Variants in SLIT3 observed in about 807,000 individuals in gnomAD.
SLIT3 encodes the protein slit homolog 3 protein.
A neutral mutation model predicts 184.0 loss-of-function variants in SLIT3; 68 were observed. The ratio of observed to expected loss-of-function variants is 0.37; its 90% confidence interval spans 0.30 to 0.45. The LOEUF is 0.45. Ranked by LOEUF, SLIT3 falls within the 20% of genes least tolerant of loss-of-function variation. The pLI is 1.00. For missense variants in SLIT3, 1,707 were observed against 2,026.0 expected (o/e 0.84, Z 3.02); for synonymous variants, 831 against 828.6 (o/e 1.00, Z -0.05).
intron 7 of SLIT3, among the ~76,000 whole-genome samples, chr5:168,821,410 A>G (rs1757528973): frequency 6.6e-6 from 1 of 152,208 alleles, no homozygotes; most frequent in African/African-American, 2.4e-5. Context: ...TGTCTGGGGT[A>G]ATGCAGGCCC....
At chr5:168,845,673 C>G (rs182327820) in intron 5 of SLIT3, among the ~76,000 whole-genome samples, 1 of 151,868 alleles carries the variant, frequency 6.6e-6, no homozygotes, top group African/African-American at 2.4e-5. Context: ...GTCAGGATAT[C>G]AACCATGATC....
Position 168,685,917 on chromosome 5 carries a change from A to T in SLIT3, c.3325T>A (p.Cys1109Ser). ...AGGACCATGGGTGGGGGGTGTTCAC[A>T]GAAGGGTCCACTGGAAGGCAGGAGA... ...TCPQGFSGPFCEHPPPMVLLQ... is the reference protein window; with the variant it reads ...TCPQGFSGPFSEHPPPMVLLQ... The change falls in exon 31 of 36, where the codon TGT becomes AGT. Residue 1109 changes from cysteine (C) to serine (S), a missense_variant. Cys to Ser is a moderately radical substitution (Grantham distance 112). Around this residue, in one of 3 missense-constraint regions of SLIT3, gnomAD observed 1,307 missense variants for 1,511.6 expected, o/e 0.86. Coordinates refer to ENST00000519560, the MANE Select transcript of SLIT3 (RefSeq NM_003062.4). 3 of 1,610,442 alleles carry T rather than the reference A, an allele frequency of 1.9e-6. No homozygotes were observed. Among genetic ancestry groups the T allele is most frequent in the Non-Finnish European group, 2.5e-6 (3 of 1,178,376 alleles).
intron 4 of SLIT3, among the ~76,000 whole-genome samples, chr5:168,952,977 G>A (rs1762709643): frequency 6.6e-6 from 1 of 152,196 alleles, no homozygotes; most frequent in African/African-American, 2.4e-5. Flanking sequence ...TCTGGCTAAA[G>A]CCACCTAACA....
chr5:168,711,623 T>C (rs1165364239), intron 24 of SLIT3, among the ~76,000 whole-genome samples: 1 of 152,122 alleles, frequency 6.6e-6, no homozygotes, highest in Non-Finnish European at 1.5e-5. Context: ...GCACACATTA[T>C]GAAAATAATT....
At chr5:169,027,607 T>C (rs1407035697) in intron 4 of SLIT3, among the ~76,000 whole-genome samples, 1 of 152,214 alleles carries the variant, frequency 6.6e-6, no homozygotes, top group Admixed American at 6.5e-5. Flanking sequence ...CTCTCCGCCG[T>C]GACCCATATG....
intron 23 of SLIT3, chr5:168,720,814 CG>C (rs2113364646): frequency 6.6e-6 from 1 of 152,286 alleles, no homozygotes; most frequent in Non-Finnish European, 1.5e-5. Flanking sequence ...TGACATGTGG[CG>C]GGAGTTGTCA....
In SLIT3 at chr5:169,243,300, A is replaced by G. The variant is rs150144189; in HGVS notation, c.341+1405T>C. Among the ~76,000 whole-genome samples, 14 of 152,334 alleles carry G rather than the reference A, an allele frequency of 9.2e-5. No homozygotes were observed. The East Asian group carries it at 2.7e-3, about 29-fold the overall frequency. ...AAGGACCACGTATTCATTTTTCTGT[A>G]GAAATGCTGAATATTTCATACAAAG... On this transcript the variant is annotated intron_variant, in intron 3 of 35. Coordinates refer to ENST00000519560, the MANE Select transcript of SLIT3 (RefSeq NM_003062.4).
At chr5:168,991,905 G>A (rs1426173465) in intron 4 of SLIT3, among the ~76,000 whole-genome samples, 1 of 152,220 alleles carries the variant, frequency 6.6e-6, no homozygotes, top group Non-Finnish European at 1.5e-5. Context: ...AGCTGGGGTG[G>A]GGGCAACGGC....
intron 4 of SLIT3, among the ~76,000 whole-genome samples, chr5:169,086,747 T>A (rs188211200): frequency 6.6e-6 from 1 of 152,236 alleles, no homozygotes; most frequent in Non-Finnish European, 1.5e-5. Context: ...CCCTTGACCT[T>A]TGACCCTTAA....
At chr5:169,284,915 T>C (rs890274848) in intron 1 of SLIT3, among the ~76,000 whole-genome samples, 2 of 150,678 alleles carry the variant, frequency 1.3e-5, no homozygotes, top group African/African-American at 4.9e-5. Flanking sequence ...TGAACACAGA[T>C]TTTTTTTTTC....
intron 4 of SLIT3, among the ~76,000 whole-genome samples, chr5:168,948,177 G>A (rs1041310666): frequency 6.6e-6 from 1 of 152,102 alleles, no homozygotes; most frequent in Non-Finnish European, 1.5e-5. Flanking sequence ...TTCTCTGCCG[G>A]ACCTGACGCG....
chr5:169,279,373 A>G (rs1243833273), intron 1 of SLIT3, among the ~76,000 whole-genome samples: 1 of 152,194 alleles, frequency 6.6e-6, no homozygotes, highest in East Asian at 1.9e-4. Flanking sequence ...CTGGCATGGA[A>G]GAGCAGCACC....
intron 25 of SLIT3, among the ~76,000 whole-genome samples, chr5:168,709,175 A>G (rs1213726301): frequency 6.7e-6 from 1 of 150,182 alleles, no homozygotes; most frequent in Non-Finnish European, 1.5e-5. Flanking sequence ...TTCGGCTCAC[A>G]GCAACCTCCA....
chr5:168,735,309 T>C (rs911472269), intron 20 of SLIT3, among the ~76,000 whole-genome samples: 2 of 152,068 alleles, frequency 1.3e-5, no homozygotes, highest in African/African-American at 4.8e-5. Flanking sequence ...CACAAAGAAC[T>C]CAAACCAGCT....
intron 4 of SLIT3, among the ~76,000 whole-genome samples, chr5:169,074,738 G>A (rs1032045946): frequency 2.0e-5 from 3 of 152,016 alleles, no homozygotes; most frequent in African/African-American, 4.8e-5. Context: ...ACATTTTTAC[G>A]GGGAAACATT....
At chr5:168,808,326 T>C (rs1269257738) in intron 8 of SLIT3, among the ~76,000 whole-genome samples, 1 of 151,848 alleles carries the variant, frequency 6.6e-6, no homozygotes, top group Non-Finnish European at 1.5e-5. Context: ...AGCTCAGGAA[T>C]GGGAGAGTGT....
At chr5:168,789,926 A>T in intron 10 of SLIT3, 2 of 341,136 alleles carry the variant, frequency 5.9e-6, no homozygotes, top group Non-Finnish European at 1.1e-5. Context: ...TTGTAGGTGG[A>T]AAATTGAGCC....
chr5:168,849,986 T>A (rs961884204), intron 5 of SLIT3, among the ~76,000 whole-genome samples: 2 of 152,176 alleles, frequency 1.3e-5, no homozygotes, highest in Non-Finnish European at 2.9e-5. Context: ...TGTTTTTTTT[T>A]ATGACAGTTT....
At chr5:169,176,594 AT>A (rs1328075013) in intron 4 of SLIT3, among the ~76,000 whole-genome samples, 2 of 152,176 alleles carry the variant, frequency 1.3e-5, no homozygotes, top group Non-Finnish European at 2.9e-5. Flanking sequence ...CATATAAAAT[AT>A]TTGACATTTT....
Sources: allele counts gnomAD v4.1 joint callset (sites outside exome capture counted in the v4.1 genomes callset), GRCh38; gene constraint gnomAD v4.1.1; regional missense constraint gnomAD v4.1.1; transcripts MANE v1.5; gene names NCBI Gene and HGNC (gene_info 2026-07-23, HGNC 2026-07-21).